PCNX2: variants seen among roughly 807,000 people sequenced by gnomAD.
PCNX2 encodes the protein pecanex-like protein 2.
PCNX2 carries 168 observed loss-of-function variants against 223.8 expected under a neutral mutation model. The ratio of observed to expected loss-of-function variants is 0.75; its 90% CI spans 0.66 to 0.85. The LOEUF (loss-of-function observed/expected upper bound fraction) is 0.85, where lower values mean the gene tolerates loss of function less well. PCNX2 is among the 40% of genes least tolerant of loss of function. The pLI is 0.00. For missense variants in PCNX2, 2,507 were observed against 2,675.5 expected, an observed-to-expected ratio of 0.94 and a Z score of 1.39; for synonymous variants, 1,006 against 1,052.6, an observed-to-expected ratio of 0.96 and a Z score of 0.86.
At chr1:233,210,285 C>CTT (rs1357665849) in intron 12 of PCNX2, among the ~76,000 whole-genome samples, 6 of 151,350 alleles carry the variant, frequency 4.0e-5, no homozygotes, top group African/African-American at 1.5e-4. Context: ...ACACAAACCA[C>CTT]TTTTTTTTTG....
At chr1:233,193,056 T>TTA (rs920623861) in intron 15 of PCNX2, among the ~76,000 whole-genome samples, 2 of 147,054 alleles carry the variant, frequency 1.4e-5, no homozygotes, top group African/African-American at 4.9e-5. Flanking sequence ...AATTTATATA[T>TTA]TATTATAATT....
intron 1 of PCNX2, among the ~76,000 whole-genome samples, chr1:233,265,683 G>A (rs553737149): frequency 7.8e-4 from 118 of 152,256 alleles, no homozygotes; most frequent in African/African-American, 2.3e-3. Flanking sequence ...AGTTGTGGCC[G>A]CTGTGGAAGC....
intron 25 of PCNX2, among the ~76,000 whole-genome samples, chr1:233,049,539 GA>G (rs1671926252): frequency 6.6e-6 from 1 of 152,098 alleles, no homozygotes; most frequent in Admixed American, 6.6e-5. Context: ...AATTCCCCTT[GA>G]AACCAGAACA....
Position 233,179,102 on chromosome 1 carries a change from T to TTA in PCNX2, c.3139_3140insTA (p.His1047LeufsTer3). 1 of 1,613,792 alleles carries TTA rather than the reference T, an allele frequency of 6.2e-7. No homozygotes were observed. The highest frequency in any genetic ancestry group is 1.1e-5 in the South Asian group (1 of 91,074). On this transcript the variant is annotated frameshift_variant, in exon 16 of 34. Coordinates refer to ENST00000258229, the MANE Select transcript of PCNX2 (RefSeq NM_014801.4). LOFTEE classifies it high-confidence loss of function. ...TGGGTCACTGCTCTGACGGCTCAGATGGTAAGAAAGGGCGACCAAGAGGCC... is the reference window on the plus strand; with the variant it reads ...TGGGTCACTGCTCTGACGGCTCAGATTAGGTAAGAAAGGGCGACCAAGAGGCC...
rs1676964518 is a variant in PCNX2, at chr1:233,139,154, A to T, written c.3659+560T>A. ...TTTCCATGTTGTAAATTCAGAATTA[A>T]TTTTAATATATGAAACCAATAACTC... On this transcript the variant is annotated intron_variant, in intron 20 of 33. Coordinates refer to ENST00000258229, the MANE Select transcript of PCNX2 (RefSeq NM_014801.4). This position sits in a 1 kb window ranked among gnomAD's most constrained non-coding sequence, Gnocchi z 4.4. Among the ~76,000 whole-genome samples, 1 of 152,202 alleles carries T rather than the reference A, an allele frequency of 6.6e-6. No individual in the cohort carries two copies. The highest frequency in any genetic ancestry group is 1.5e-5 in the Non-Finnish European group (1 of 68,042).
chr1:233,247,126 T>C (rs1659169405), intron 8 of PCNX2, among the ~76,000 whole-genome samples: 2 of 152,242 alleles, frequency 1.3e-5, no homozygotes, highest in African/African-American at 2.4e-5. Context: ...CTGACGGACA[T>C]AGGACTGACT....
chr1:233,146,203 CACTT>C (rs1273002430), intron 19 of PCNX2, among the ~76,000 whole-genome samples: 3 of 152,144 alleles, frequency 2.0e-5, no homozygotes, highest in Non-Finnish European at 4.4e-5. Flanking sequence ...AGTAATTATT[CACTT>C]AAATACGAAT....
At chr1:233,234,145 T>C (rs937473835) in intron 9 of PCNX2, among the ~76,000 whole-genome samples, 9 of 152,206 alleles carry the variant, frequency 5.9e-5, no homozygotes, top group African/African-American at 1.9e-4. Flanking sequence ...TATACCCAGC[T>C]TCTAGCACAA....
intron 19 of PCNX2, among the ~76,000 whole-genome samples, chr1:233,154,854 A>C (rs1276708778): frequency 6.6e-6 from 1 of 152,130 alleles, no homozygotes; most frequent in Non-Finnish European, 1.5e-5. Flanking sequence ...AGATCACTTG[A>C]GACCAGGATT....
intron 23 of PCNX2, among the ~76,000 whole-genome samples, chr1:233,074,217 G>T (rs1438768204): frequency 6.6e-6 from 1 of 152,162 alleles, no homozygotes; most frequent in Non-Finnish European, 1.5e-5. Context: ...CTATGGTCTA[G>T]TAGATGGTCC....
intron 8 of PCNX2, among the ~76,000 whole-genome samples, chr1:233,246,576 A>T (rs1238989911): frequency 1.3e-5 from 2 of 152,214 alleles, no homozygotes; most frequent in African/African-American, 2.4e-5. Context: ...TTAGTGTGTA[A>T]GTGTTTAACA....
intron 25 of PCNX2, among the ~76,000 whole-genome samples, chr1:233,048,981 A>T (rs1327359404): frequency 6.6e-6 from 1 of 152,154 alleles, no homozygotes; most frequent in Non-Finnish European, 1.5e-5. Flanking sequence ...CCCTAAACAG[A>T]CCAATATTGA....
chr1:233,189,341 T>C (rs912572030), intron 15 of PCNX2, among the ~76,000 whole-genome samples: 5 of 152,190 alleles, frequency 3.3e-5, no homozygotes, highest in Admixed American at 3.3e-4. Context: ...TCTGCAACTG[T>C]CTTATATGCT....
chr1:233,288,783 C>A, intron 1 of PCNX2: 1 of 679,882 alleles, frequency 1.5e-6, no homozygotes, highest in East Asian at 2.7e-5. Context: ...TTTTGGAGGC[C>A]CAGGACCCAG....
chr1:233,294,920 G>T (rs1008791709), intron 1 of PCNX2, among the ~76,000 whole-genome samples: 1 of 152,222 alleles, frequency 6.6e-6, no homozygotes, highest in Non-Finnish European at 1.5e-5. Flanking sequence ...TAACTGAAAT[G>T]AGTCTGCTTT....
At chr1:233,178,929 T>A (rs1679638468) in intron 16 of PCNX2, 137 bp downstream of exon 16, 2 of 649,766 alleles carry the variant, frequency 3.1e-6, no homozygotes, top group Non-Finnish European at 5.1e-6. Flanking sequence ...CTCTAGTGAG[T>A]GACCAGCTAG....
At chr1:233,195,124 G>A (rs771746826) in intron 15 of PCNX2, among the ~76,000 whole-genome samples, 10 of 151,828 alleles carry the variant, frequency 6.6e-5, no homozygotes, top group Non-Finnish European at 1.2e-4. Flanking sequence ...AGGCAATATG[G>A]CATGACCAAA....
chr1:233,128,929 C>T (rs562071836), intron 21 of PCNX2, among the ~76,000 whole-genome samples: 6 of 152,198 alleles, frequency 3.9e-5, no homozygotes, highest in Non-Finnish European at 8.8e-5. Context: ...ATGCAGAGAC[C>T]GTTCTTTCTC....
the PCNX2 span, among the ~76,000 whole-genome samples, chr1:233,321,443 G>A: frequency 6.4e-4 from 97 of 152,156 alleles, no homozygotes; most frequent in African/African-American, 2.2e-3. Context: ...GATTACAGGC[G>A]GGAGCCACCA....
Sources: gnomAD v4.1 joint callset for allele counts (sites outside exome capture counted in the v4.1 genomes callset) on GRCh38, gnomAD v4.1.1 for gene constraint, Gnocchi (gnomAD v3.1) non-coding constraint, MANE v1.5 for transcripts, NCBI Gene and HGNC (gene_info 2026-07-23, HGNC 2026-07-21) for gene names.